FAT3: variants seen among roughly 807,000 people sequenced by gnomAD.
The protein encoded by FAT3 is protocadherin Fat 3.
FAT3 carries 95 observed loss-of-function variants against 310.2 expected under a neutral mutation model. The ratio of observed to expected loss-of-function variants is 0.31; its 90% CI spans 0.26 to 0.36. FAT3 has a LOEUF of 0.36. Ranked by LOEUF, FAT3 falls within the 10% of genes least tolerant of loss-of-function variation. The probability of loss-of-function intolerance (pLI) is 1.00; values close to 1 mark genes in which losing one functional copy is unlikely to be tolerated. For synonymous variants in FAT3, 2,314 were observed against 2,192.9 expected (o/e 1.06, Z -1.54); for missense variants, 5,408 against 5,715.6 (o/e 0.95, Z 1.74).
At chr11:92,835,625 A>G (rs1948386048) in intron 15 of FAT3, among the ~76,000 whole-genome samples, 1 of 152,154 alleles carries the variant, frequency 6.6e-6, no homozygotes, top group Non-Finnish European at 1.5e-5. Flanking sequence ...CATAAATCAT[A>G]ACATCACTTT....
intron 4 of FAT3, among the ~76,000 whole-genome samples, chr11:92,720,058 A>G (rs1262948512): frequency 6.6e-6 from 1 of 152,150 alleles, no homozygotes; most frequent in South Asian, 2.1e-4. Flanking sequence ...CCACAGGGGC[A>G]GGGGCTTGAT....
intron 22 of FAT3, among the ~76,000 whole-genome samples, chr11:92,869,654 G>A (rs756733530): frequency 1.6e-4 from 25 of 151,814 alleles, no homozygotes; most frequent in Non-Finnish European, 2.8e-4. Flanking sequence ...TGCCAAACAG[G>A]GGAGAGAAAA....
In FAT3 at chr11:92,764,806, A is replaced by G. The variant is rs973499208; in HGVS notation, c.3985-73A>G. ...GAAGATGGACTCTTGGCCCAGCAAC[A>G]TGAGTGACAGATCCAAACTCTACAA... On this transcript the variant is annotated intron_variant, in intron 5 of 27. Coordinates refer to ENST00000525166, the MANE Select transcript of FAT3 (RefSeq NM_001367949.2). 1.2e-5 allele frequency: 17 copies of G among 1,411,774 alleles called. No homozygotes were observed. The Admixed American group carries it at 1.4e-4, about 12-fold the overall frequency. The allele number at this position is 1,411,774 out of a possible 1,614,324, so 87.5% of individuals were successfully genotyped here.
chr11:92,358,083 A>G (rs556175464), intron 2 of FAT3, among the ~76,000 whole-genome samples: 10 of 152,034 alleles, frequency 6.6e-5, no homozygotes, highest in Admixed American at 2.6e-4. Context: ...TGAGGCAGGA[A>G]GGAGGATCAC....
intron 3 of FAT3, among the ~76,000 whole-genome samples, chr11:92,581,625 C>T (rs548614481): frequency 6.6e-6 from 1 of 152,098 alleles, no homozygotes; most frequent in South Asian, 2.1e-4. Flanking sequence ...GGTGTATCAT[C>T]TTACCAGTTA....
intron 1 of FAT3, among the ~76,000 whole-genome samples, chr11:92,242,756 G>A (rs936387187): frequency 9.9e-5 from 15 of 151,966 alleles, no homozygotes; most frequent in African/African-American, 3.4e-4. Context: ...GGTCACCCCT[G>A]GAAATAGGAC....
intron 1 of FAT3, chr11:92,336,262 C>G (rs1948076322): frequency 1.8e-6 from 1 of 545,082 alleles, no homozygotes; most frequent in Non-Finnish European, 3.7e-6. Context: ...AAAATGGGGT[C>G]CTTGTCATAG....
At chr11:92,660,280 G>A (rs888381479) in intron 3 of FAT3, among the ~76,000 whole-genome samples, 2 of 151,660 alleles carry the variant, frequency 1.3e-5, no homozygotes, top group Non-Finnish European at 2.9e-5. Context: ...CAAGGTGGGG[G>A]TGGGGAGTTT....
chr11:92,383,296 C>A (rs993482585), intron 2 of FAT3, among the ~76,000 whole-genome samples: 14 of 152,190 alleles, frequency 9.2e-5, no homozygotes. Flanking sequence ...CTGCAATGAA[C>A]ATACATGTGT....
intron 3 of FAT3, among the ~76,000 whole-genome samples, chr11:92,530,154 T>C (rs1954018317): frequency 1.3e-5 from 2 of 152,214 alleles, no homozygotes; most frequent in South Asian, 2.1e-4. Flanking sequence ...GTATATGGTA[T>C]ACAACATAGT....
At chr11:92,642,472 A>T (rs1433261390) in intron 3 of FAT3, among the ~76,000 whole-genome samples, 1 of 152,232 alleles carries the variant, frequency 6.6e-6, no homozygotes, top group Non-Finnish European at 1.5e-5. Flanking sequence ...GACTGGCAGG[A>T]AGCCCATTCT....
chr11:92,280,661 A>G (rs7106512), intron 1 of FAT3, among the ~76,000 whole-genome samples: 1,631 of 152,250 alleles, frequency 0.011, 34 homozygotes, highest in African/African-American at 0.037. Flanking sequence ...TAACTCTGTG[A>G]TCAGTTAGAT....
At chr11:92,446,351 C>T (rs562752199) in intron 2 of FAT3, among the ~76,000 whole-genome samples, 17 of 152,210 alleles carry the variant, frequency 1.1e-4, no homozygotes, top group Admixed American at 9.8e-4. Flanking sequence ...CTCAGTGATC[C>T]TGGACTGGCA....
At chr11:92,296,002 G>A (rs1364334507) in intron 1 of FAT3, among the ~76,000 whole-genome samples, 3 of 152,220 alleles carry the variant, frequency 2.0e-5, no homozygotes, top group East Asian at 1.9e-4. Context: ...AGCTGTTCTG[G>A]TAATTGTGGA....
chr11:92,229,558 A>G (rs1031930008), intron 1 of FAT3, among the ~76,000 whole-genome samples: 6 of 126,518 alleles, frequency 4.7e-5, no homozygotes, highest in African/African-American at 1.8e-4. Context: ...TCTAAGAATA[A>G]TTTTCAGGAA....
chr11:92,227,151 C>T (rs910259309), intron 1 of FAT3, among the ~76,000 whole-genome samples: 1 of 152,190 alleles, frequency 6.6e-6, no homozygotes, highest in Non-Finnish European at 1.5e-5. Flanking sequence ...AAAAGATACA[C>T]ATGAACAGCA....
chr11:92,762,593 A>G (rs535591304), intron 5 of FAT3, among the ~76,000 whole-genome samples: 3 of 152,312 alleles, frequency 2.0e-5, no homozygotes, highest in Non-Finnish European at 2.9e-5. Context: ...GAAATTATCA[A>G]CAATGTGATA....
intron 1 of FAT3, among the ~76,000 whole-genome samples, chr11:92,287,007 T>C: frequency 6.6e-6 from 1 of 152,182 alleles, no homozygotes. Flanking sequence ...GAATGGTGCC[T>C]GGGTACTGAA....
chr11:92,757,466 G>A (rs1333519173), intron 4 of FAT3, among the ~76,000 whole-genome samples: 1 of 152,130 alleles, frequency 6.6e-6, no homozygotes, highest in Non-Finnish European at 1.5e-5. Context: ...AGGAGATGAT[G>A]GGGATTTATC....
Sources: allele counts gnomAD v4.1 joint callset (sites outside exome capture counted in the v4.1 genomes callset), GRCh38; gene constraint gnomAD v4.1.1; transcripts MANE v1.5; gene names NCBI Gene and HGNC (gene_info 2026-07-23, HGNC 2026-07-21).